Variants in VWF observed in about 807,000 individuals in gnomAD.
VWF encodes von Willebrand factor.
A neutral mutation model predicts 308.6 loss-of-function variants in VWF; 176 were observed. The observed-to-expected ratio is 0.57, with a 90% confidence interval of 0.50 to 0.65. The LOEUF (loss-of-function observed/expected upper bound fraction) is 0.65. VWF is among the 30% of genes least tolerant of loss of function. The pLI is 0.00. For synonymous variants in VWF, 1,385 were observed against 1,443.4 expected, an observed-to-expected ratio of 0.96 and a Z score of 0.92; for missense variants, 3,146 against 3,648.2, an observed-to-expected ratio of 0.86 and a Z score of 3.55.
chr12:5,983,343 G>A (rs1450546446), intron 40 of VWF, 89 bp from the exon 41 acceptor site: 2 of 1,297,148 alleles, frequency 1.5e-6, no homozygotes, highest in East Asian at 5.1e-5. Context: ...TCCTATTCAT[G>A]CAGACTTCTA....
chr12:6,081,189 A>G (rs2136481548), intron 6 of VWF, among the ~76,000 whole-genome samples: 1 of 152,140 alleles, frequency 6.6e-6, no homozygotes, highest in South Asian at 2.1e-4. Context: ...CCATCTCATC[A>G]CCCATGCCAC....
At chr12:5,950,706 G>A (rs186518358) in intron 50 of VWF, among the ~76,000 whole-genome samples, 21 of 152,146 alleles carry the variant, frequency 1.4e-4, no homozygotes, top group Middle Eastern at 3.4e-3. Flanking sequence ...CTATGTTGCT[G>A]TGGATTTAAG....
At chr12:6,072,489 T>C in intron 8 of VWF, 47 bp from the exon 9 acceptor site, 1 of 1,465,532 alleles carries the variant, frequency 6.8e-7, no homozygotes, top group Non-Finnish European at 9.5e-7. Context: ...TGTCATTGCG[T>C]CACTCATCCC....
chr12:6,044,064 C>A (rs919009786), intron 18 of VWF, among the ~76,000 whole-genome samples: 2 of 152,140 alleles, frequency 1.3e-5, no homozygotes, highest in African/African-American at 2.4e-5. Context: ...TTGTCAGATC[C>A]TGTGAGGATC....
Position 6,110,459 on chromosome 12 carries a change from C to G in VWF, c.447G>C (p.Leu149=). The G allele has an allele frequency of 1.2e-6, 2 of 1,614,148 alleles. No individual in the cohort carries two copies. Among genetic ancestry groups the G allele is most frequent in the South Asian group, 1.1e-5 (1 of 91,078 alleles). Residue 149 remains leucine (L), a synonymous_variant, in exon 5 of 52, where the codon CTG becomes CTC. Transcript: ENST00000261405. The part of the protein sequence containing the change: ...RIDGSGNFQV[L]LSDRYFNKTC... ...TCTTGTTGAAGTATCTGTCTGACAGCAGGACTTGAAAGTTGCCGCTGCCAT... is the reference window on the plus strand; with the variant it reads ...TCTTGTTGAAGTATCTGTCTGACAGGAGGACTTGAAAGTTGCCGCTGCCAT...
chr12:6,068,626 T>C (rs1217699213), intron 10 of VWF, among the ~76,000 whole-genome samples: 3 of 151,914 alleles, frequency 2.0e-5, no homozygotes, highest in Non-Finnish European at 4.4e-5. Flanking sequence ...TGTGCCACCA[T>C]GCCCAGCTAA....
Position 6,019,047 on chromosome 12 carries a change from G to A in VWF, c.4371C>T (p.Leu1457=). 1.2e-6 allele frequency: 2 copies of A among 1,613,962 alleles called. No individual in the cohort carries two copies. Among genetic ancestry groups the A allele is most frequent in the South Asian group, 2.2e-5 (2 of 91,068 alleles). Residue 1457 remains leucine (L), a synonymous_variant, in exon 28 of 52, where the codon CTC becomes CTT. Coordinates refer to ENST00000261405, the MANE Select transcript of VWF (RefSeq NM_000552.5). This position sits in a 1 kb window ranked among gnomAD's most constrained non-coding sequence, Gnocchi z 5.8. Reference sequence around the variant, plus strand: ...GAGGGGCTTCAGGGGCAAGGTCACAGAGGTAGCTAACGATCTCGTCCCTTT... The same window carrying A: ...GAGGGGCTTCAGGGGCAAGGTCACAAAGGTAGCTAACGATCTCGTCCCTTT... ...EQQRDEIVSY[L]CDLAPEAPPP...
Position 5,983,172 on chromosome 12 carries a change from C to G in VWF, c.7059G>C (p.Glu2353Asp), listed in dbSNP as rs112319661. 3.4e-4 allele frequency: 541 copies of G among 1,614,032 alleles called. 2 individuals carry two copies. The African/African-American group carries it at 6.1e-3, about 18-fold the overall frequency. ...GLQPTLTNPG[E>D]CRPNFTCACR... is the part of the protein sequence containing the mutation. The stretch of plus-strand genomic sequence containing the variant: ...TACCGCAGGTGAAGTTGGGTCTGCA[C>G]TCGCCAGGGTTGGTCAGTGTGGGCT... The change falls in exon 41 of 52, where the codon GAG becomes GAC. Residue 2353 changes from glutamate (E) to aspartate (D), a missense_variant. Glu to Asp is a conservative substitution (Grantham distance 45, BLOSUM62 2). Coordinates refer to ENST00000261405, the MANE Select transcript of VWF (RefSeq NM_000552.5).
Position 6,106,630 on chromosome 12 carries a change from T to C in VWF, c.532+3744A>G, listed in dbSNP as rs57024474. Among the ~76,000 whole-genome samples, 277 of 152,058 alleles carry C rather than the reference T, an allele frequency of 1.8e-3. 3 individuals are homozygous for C. The highest frequency in any genetic ancestry group is 6.3e-3 in the African/African-American group (263 of 41,484). ...GGCTCACGCCTGTAATCCCAGCACT[T>C]TGGGAGGCTAAGCGGAGGCGGATCA... On this transcript the variant is annotated intron_variant, in intron 5 of 51. Transcript: ENST00000261405.
chr12:5,985,589 G>C lies in VWF; in HGVS notation c.6875C>G (p.Thr2292Arg), dbSNP rs755358165. 5 of 1,614,012 alleles carry C rather than the reference G, an allele frequency of 3.1e-6. No homozygotes were observed. Among genetic ancestry groups the C allele is most frequent in the Non-Finnish European group, 4.2e-6 (5 of 1,180,052 alleles). Residue 2292 changes from threonine (T) to arginine (R), a missense_variant, in exon 39 of 52, where the codon ACA (threonine) becomes AGA (arginine). Transcript: ENST00000261405. ...TTTGGCCGTGGGGCAGGGCTGCGTT[G>C]TGCAGTTGACCTTCCGCCCGCTGAG... Reference protein sequence around the residue: ...TCLSGRKVNCTTQPCPTAKAP... With the variant: ...TCLSGRKVNCRTQPCPTAKAP...
At chr12:6,071,446 G>A (rs925898024) in intron 9 of VWF, 103 bp from the exon 10 acceptor site, 6 of 1,327,468 alleles carry the variant, frequency 4.5e-6, no homozygotes, top group African/African-American at 2.9e-5. Context: ...CAAACGAAGG[G>A]ATGTGGGAAA....
At chr12:5,963,753 C>T (rs572391763) in intron 47 of VWF, among the ~76,000 whole-genome samples, 6 of 152,258 alleles carry the variant, frequency 3.9e-5, no homozygotes, top group South Asian at 2.1e-4. Flanking sequence ...CATAGCTCAG[C>T]GCAGCTAGGG....
intron 6 of VWF, among the ~76,000 whole-genome samples, chr12:6,079,771 G>A (rs977779612): frequency 6.6e-5 from 10 of 152,094 alleles, no homozygotes; most frequent in Non-Finnish European, 8.8e-5. Context: ...CATATAAAAT[G>A]CAAGTCTAAC....
At chr12:5,961,745 T>C (rs1943319576) in intron 47 of VWF, among the ~76,000 whole-genome samples, 1 of 152,046 alleles carries the variant, frequency 6.6e-6, no homozygotes, top group South Asian at 2.1e-4. Flanking sequence ...CCAAAAACTT[T>C]AAATACTAGG....
chr12:5,976,785 A>G (rs1229397147), intron 42 of VWF, among the ~76,000 whole-genome samples: 1 of 152,224 alleles, frequency 6.6e-6, no homozygotes, highest in South Asian at 2.1e-4. Flanking sequence ...GAGACAAGGG[A>G]TCCTATTGGG....
intron 47 of VWF, among the ~76,000 whole-genome samples, chr12:5,956,883 G>C (rs1943257695): frequency 6.6e-6 from 1 of 151,636 alleles, no homozygotes; most frequent in South Asian, 2.1e-4. Flanking sequence ...GTAAATTTAG[G>C]GTAGCCTAAG....
chr12:5,973,242 TA>T (rs1351645963), intron 43 of VWF, among the ~76,000 whole-genome samples: 3 of 152,238 alleles, frequency 2.0e-5, no homozygotes, highest in African/African-American at 7.2e-5. Context: ...CCCTCGCTTA[TA>T]TCGACATTTG....
chr12:6,105,702 C>A (rs966481705), intron 5 of VWF, among the ~76,000 whole-genome samples: 3 of 151,910 alleles, frequency 2.0e-5, no homozygotes, highest in African/African-American at 4.8e-5. Flanking sequence ...AATAGAATTG[C>A]CATTAGAAAT....
rs752443680 is a variant in VWF at position 6,036,484 on chromosome 12, T to C, written c.2450A>G (p.His817Arg). The C allele has an allele frequency of 3.7e-6, 6 of 1,614,186 alleles. No homozygotes were observed. In the South Asian group the frequency reaches 5.5e-5, roughly 15 times the overall value. ...TTCCAGGGCCACACATCTGTTCTCA[T>C]GCCGGACCTAAGAGAAAAGAATCCA... ...GCLCPPGMVR[H>R]ENRCVALERC... The change falls in exon 19 of 52, where the codon CAT becomes CGT. Residue 817 changes from histidine to arginine, a missense_variant. Coordinates refer to ENST00000261405, the MANE Select transcript of VWF (RefSeq NM_000552.5).
Sources: allele counts gnomAD v4.1 joint callset (sites outside exome capture counted in the v4.1 genomes callset), GRCh38; gene constraint gnomAD v4.1.1; non-coding constraint Gnocchi (gnomAD v3.1); transcripts MANE v1.5; gene names NCBI Gene and HGNC (gene_info 2026-07-23, HGNC 2026-07-21).